SUMF1: variants seen among roughly 807,000 people sequenced by gnomAD.
SUMF1 encodes formylglycine-generating enzyme.
Under a neutral mutation model 47.6 loss-of-function variants are expected in SUMF1, and 48 were observed. The observed-to-expected ratio is 1.01, with a 90% confidence interval of 0.80 to 1.28. The LOEUF (loss-of-function observed/expected upper bound fraction) is 1.28, where lower values mean the gene tolerates loss of function less well. SUMF1 is among the 50% of genes most tolerant of loss of function. The pLI is 0.00. For synonymous variants in SUMF1, 230 were observed against 192.1 expected (o/e 1.20, Z -1.63); for missense variants, 571 against 485.4 (o/e 1.18, Z -1.66).
intron 8 of SUMF1, among the ~76,000 whole-genome samples, chr3:4,070,163 G>A (rs1165611868): frequency 6.6e-6 from 1 of 152,098 alleles, no homozygotes; most frequent in Non-Finnish European, 1.5e-5. Flanking sequence ...CTCCCACTTT[G>A]AGTTGTCCCA....
In SUMF1 at chr3:4,050,408, TA is replaced by T. The variant is rs540805688; in HGVS notation, c.1191+18160del. 1.7e-3 allele frequency among the ~76,000 whole-genome samples: 265 copies of T among 152,130 alleles called. 1 individual carries two copies. The highest frequency in any genetic ancestry group is 6.3e-3 in the African/African-American group (262 of 41,510). On this transcript the variant is annotated intron_variant and NMD_transcript_variant, in intron 9 of 12. Transcript: ENST00000448413. ...TTCTGGGTCTCAATGTCCTTATCTGTAAAATGGGAATAAAAATAGAATTTCA... is the reference window on the plus strand; with the variant it reads ...TTCTGGGTCTCAATGTCCTTATCTGTAAATGGGAATAAAAATAGAATTTCA...
Position 4,194,182 on chromosome 3 carries a change from T to A in SUMF1, c.1015-125437A>T, listed in dbSNP as rs371142285. 9.2e-5 allele frequency among the ~76,000 whole-genome samples: 14 copies of A among 152,056 alleles called. 3 individuals carry two copies. Among genetic ancestry groups the A allele is most frequent in the Admixed American group, 6.6e-5 (1 of 15,258 alleles). The stretch of plus-strand genomic sequence containing the variant: ...TGGGTGTTGCAACTGAAGAACTGAG[T>A]TTTTTTACTTTCTTTTATTTAGATT... On this transcript the variant is annotated intron_variant and NMD_transcript_variant, in intron 8 of 12. Coordinates refer to the SUMF1 transcript ENST00000448413.
chr3:4,065,733 C>G (rs1290514499), intron 9 of SUMF1, among the ~76,000 whole-genome samples: 1 of 152,068 alleles, frequency 6.6e-6, no homozygotes, highest in African/African-American at 2.4e-5. Flanking sequence ...ATCTCCAATC[C>G]TTACAACAAC....
intron 8 of SUMF1, among the ~76,000 whole-genome samples, chr3:4,231,358 C>T (rs948774980): frequency 6.6e-6 from 1 of 152,042 alleles, no homozygotes; most frequent in Non-Finnish European, 1.5e-5. Flanking sequence ...TTAAATGCAA[C>T]GACCTTAGAA....
chr3:4,169,344 T>G (rs544349109), intron 8 of SUMF1, among the ~76,000 whole-genome samples: 1 of 152,074 alleles, frequency 6.6e-6, no homozygotes, highest in Admixed American at 6.6e-5. Context: ...GTCATTAGAG[T>G]GGCTCCTCAT....
chr3:4,303,824 A>C (rs1698060529), intron 8 of SUMF1: 2 of 1,366,692 alleles, frequency 1.5e-6, no homozygotes, highest in Non-Finnish European at 1.9e-6. Context: ...AGGAGGCATC[A>C]CGGGGGGAGT....
intron 8 of SUMF1, among the ~76,000 whole-genome samples, chr3:4,164,612 G>T (rs1358728392): frequency 6.6e-6 from 1 of 152,144 alleles, no homozygotes; most frequent in South Asian, 2.1e-4. Flanking sequence ...TGTCCTCTCT[G>T]AACCACCAAG....
In SUMF1 at chr3:4,166,881, G is replaced by A. The variant is rs181521017; in HGVS notation, c.1015-98136C>T. Among the ~76,000 whole-genome samples, 346 of 152,210 alleles carry A rather than the reference G, an allele frequency of 2.3e-3. 3 individuals carry two copies. Among genetic ancestry groups the A allele is most frequent in the Middle Eastern group, 3.4e-3 (1 of 294 alleles). On this transcript the variant is annotated intron_variant and NMD_transcript_variant, in intron 8 of 12. Transcript: ENST00000448413. ...CCAATGCTTCCAACTCTGAAGAGTC[G>A]GGGGTGGTTAGAGAGCCCTTTCCCA... is the stretch of plus-strand genomic sequence containing the variant.
chr3:4,135,914 A>T (rs116672217), intron 8 of SUMF1, among the ~76,000 whole-genome samples: 9,677 of 152,214 alleles, frequency 0.064, 622 homozygotes, highest in African/African-American at 0.16. Flanking sequence ...AATCCAACTT[A>T]CATGGGATGT....
intron 8 of SUMF1, among the ~76,000 whole-genome samples, chr3:4,081,403 A>G: frequency 6.6e-6 from 1 of 152,130 alleles, no homozygotes; most frequent in East Asian, 1.9e-4. Context: ...ATTGGCTGGC[A>G]CCGTTCCTAG....
chr3:4,110,720 AT>A (rs950497608), intron 8 of SUMF1, among the ~76,000 whole-genome samples: 2 of 151,652 alleles, frequency 1.3e-5, no homozygotes, highest in African/African-American at 4.9e-5. Context: ...GGAAACCATC[AT>A]TCTCAGCAAT....
At chr3:4,173,692 T>C (rs368619236) in intron 8 of SUMF1, among the ~76,000 whole-genome samples, 92 of 152,254 alleles carry the variant, frequency 6.0e-4, no homozygotes, top group Middle Eastern at 3.4e-3. Flanking sequence ...TAGAATACTA[T>C]GCAGCCATAA....
intron 8 of SUMF1, among the ~76,000 whole-genome samples, chr3:4,094,412 G>A (rs1406692201): frequency 1.1e-4 from 16 of 152,006 alleles, no homozygotes. Context: ...ATTAAGACAA[G>A]GTAGTAAATG....
intron 8 of SUMF1, chr3:4,303,603 A>C (rs1331904403): frequency 3.4e-5 from 47 of 1,373,254 alleles, no homozygotes; most frequent in Non-Finnish European, 4.2e-5. Flanking sequence ...CCTCGCTGGG[A>C]CGGCCTCCCA....
At chr3:4,244,512 A>G (rs1366055787) in intron 8 of SUMF1, among the ~76,000 whole-genome samples, 1 of 152,204 alleles carries the variant, frequency 6.6e-6, no homozygotes, top group Non-Finnish European at 1.5e-5. Context: ...TCCTTGGCTT[A>G]TGAAGCTTAG....
Position 4,452,661 on chromosome 3 carries a change from A to G in SUMF1, c.444+215T>C, listed in dbSNP as rs73807245. ...ACCAACTAGCTGTGTGATGTGGGGC[A>G]AATAACTTTTCTTATCCTCAGTATG... On this transcript the variant is annotated intron_variant, in intron 2 of 8. Coordinates refer to ENST00000272902, the MANE Select transcript of SUMF1 (RefSeq NM_182760.4). 2.4e-3 allele frequency among the ~76,000 whole-genome samples: 360 copies of G among 152,346 alleles called. 1 individual carries two copies. The highest frequency in any genetic ancestry group is 8.3e-3 in the African/African-American group (343 of 41,570).
chr3:4,407,070 AGGACACACACATG>A (rs1211788111), intron 7 of SUMF1, among the ~76,000 whole-genome samples: 1 of 141,124 alleles, frequency 7.1e-6, no homozygotes, highest in East Asian at 2.0e-4. Flanking sequence ...GCACCTCCAC[AGGACACACACATG>A]GGACACACAC....
In SUMF1 at chr3:4,178,351, T is replaced by G. The variant is rs907852075; in HGVS notation, c.1015-109606A>C. ...CAAAAAGCTTATCCACCACAATCAA[T>G]TTGGCTTCATCCCTGGGATGCAAGT... On this transcript the variant is annotated intron_variant and NMD_transcript_variant, in intron 8 of 12. Coordinates refer to the SUMF1 transcript ENST00000448413. 7.2e-5 allele frequency among the ~76,000 whole-genome samples: 11 copies of G among 152,204 alleles called. 2 individuals are homozygous for G. The highest frequency in any genetic ancestry group is 6.5e-5 in the Admixed American group (1 of 15,274).
chr3:4,177,605 C>T (rs1335867898), intron 8 of SUMF1, among the ~76,000 whole-genome samples: 2 of 152,096 alleles, frequency 1.3e-5, no homozygotes, highest in Non-Finnish European at 2.9e-5. Context: ...CTAAAATCAA[C>T]ACCCTAATAT....
Sources: allele counts gnomAD v4.1 joint callset (sites outside exome capture counted in the v4.1 genomes callset), GRCh38; gene constraint gnomAD v4.1.1; transcripts MANE v1.5; gene names NCBI Gene and HGNC (gene_info 2026-07-23, HGNC 2026-07-21).